COL8A1: variants seen among roughly 807,000 people sequenced by gnomAD.
COL8A1 encodes the protein collagen type VIII alpha 1 chain.
A neutral mutation model predicts 42.7 loss-of-function variants in COL8A1; 21 were observed. That is an observed-to-expected ratio of 0.49 (90% confidence interval 0.35 to 0.71). COL8A1 has a LOEUF of 0.71. COL8A1 is among the 30% of genes least tolerant of loss of function. The pLI is 0.01. For synonymous variants in COL8A1, 367 were observed against 369.1 expected (o/e 0.99, Z 0.06); for missense variants, 788 against 962.4 (o/e 0.82, Z 2.40).
At chr3:99,774,697 G>A (rs922562503) in intron 2 of COL8A1, among the ~76,000 whole-genome samples, 1 of 152,166 alleles carries the variant, frequency 6.6e-6, no homozygotes, top group Non-Finnish European at 1.5e-5. Flanking sequence ...CTGACAGAGG[G>A]AAGGAGTCTG....
intron 1 of COL8A1, among the ~76,000 whole-genome samples, chr3:99,649,973 T>G (rs1224547224): frequency 6.6e-6 from 1 of 152,208 alleles, no homozygotes; most frequent in Non-Finnish European, 1.5e-5. Context: ...GTTAGTACCC[T>G]GCTCAAAAGG....
chr3:99,741,073 C>T (rs1436709992), intron 1 of COL8A1, among the ~76,000 whole-genome samples: 2 of 151,994 alleles, frequency 1.3e-5, no homozygotes, highest in Non-Finnish European at 2.9e-5. Flanking sequence ...TAAGTCTGTG[C>T]CATTTATACT....
At chr3:99,640,552 C>T (rs1937487809) in intron 1 of COL8A1, among the ~76,000 whole-genome samples, 1 of 152,114 alleles carries the variant, frequency 6.6e-6, no homozygotes, top group African/African-American at 2.4e-5. Flanking sequence ...AAGTATTCTC[C>T]AAGGGTTTAC....
At chr3:99,731,972 T>G (rs984539201) in intron 1 of COL8A1, among the ~76,000 whole-genome samples, 12 of 152,088 alleles carry the variant, frequency 7.9e-5, no homozygotes, top group African/African-American at 2.7e-4. Flanking sequence ...CTCTACAAGC[T>G]GAGAGACAGC....
chr3:99,778,478 C>G (rs1218619906), intron 2 of COL8A1, among the ~76,000 whole-genome samples: 3 of 152,180 alleles, frequency 2.0e-5, no homozygotes, highest in Admixed American at 6.5e-5. Flanking sequence ...TCATTCAGCT[C>G]AAGCTAAGCC....
At chr3:99,727,922 C>T (rs1309881190) in intron 1 of COL8A1, among the ~76,000 whole-genome samples, 1 of 151,636 alleles carries the variant, frequency 6.6e-6, no homozygotes, top group Admixed American at 6.6e-5. Context: ...GCAGAAAAGG[C>T]CTTTGACAAA....
rs1940508357 is a variant in COL8A1, at chr3:99,731,488, G to A, written c.-128-13409G>A. 2.0e-5 allele frequency among the ~76,000 whole-genome samples: 3 copies of A among 152,084 alleles called. No homozygotes were observed. In the South Asian group the frequency reaches 6.2e-4, roughly 32 times the overall value. ...AGAAGCCAGAGTGGGAATAATGTGGGGCATAGCAGCCAGGAAATAAGTTTA... is the reference window on the plus strand; with the variant it reads ...AGAAGCCAGAGTGGGAATAATGTGGAGCATAGCAGCCAGGAAATAAGTTTA... On this transcript the variant is annotated intron_variant, in intron 1 of 3. Transcript: ENST00000652472.
chr3:99,667,920 G>T (rs549242029), intron 1 of COL8A1, among the ~76,000 whole-genome samples: 54 of 151,932 alleles, frequency 3.6e-4, no homozygotes, highest in Non-Finnish European at 7.2e-4. Context: ...AGCTCCAACT[G>T]ATAGATACAC....
chr3:99,641,098 C>T (rs1005991718), intron 1 of COL8A1, among the ~76,000 whole-genome samples: 4 of 152,012 alleles, frequency 2.6e-5, no homozygotes, highest in Non-Finnish European at 5.9e-5. Context: ...TTTTCATGAT[C>T]AGAAAACATA....
intron 2 of COL8A1, among the ~76,000 whole-genome samples, chr3:99,748,121 G>A (rs1396625729): frequency 2.0e-5 from 3 of 152,188 alleles, no homozygotes; most frequent in Admixed American, 2.0e-4. Context: ...ATAAAGAGGA[G>A]GAATTTGAGA....
In COL8A1 at chr3:99,674,065, C is replaced by T. The variant is rs1046845107; in HGVS notation, c.-129+35401C>T. On this transcript the variant is annotated intron_variant, in intron 1 of 3. Transcript: ENST00000652472. ...CATGAATTTTGGGAAATTTTCAAGG[C>T]ATGTGGAAAGAAACAATCCTATGCT... is the stretch of plus-strand genomic sequence containing the variant. 3.3e-5 allele frequency among the ~76,000 whole-genome samples: 5 copies of T among 152,002 alleles called. No individual in the cohort carries two copies. The East Asian group carries it at 7.7e-4, about 23-fold the overall frequency.
intron 1 of COL8A1, among the ~76,000 whole-genome samples, chr3:99,730,629 A>C (rs1002993606): frequency 6.6e-6 from 1 of 152,156 alleles, no homozygotes; most frequent in Non-Finnish European, 1.5e-5. Flanking sequence ...GTGTGAAAGG[A>C]AAGTCTTTTT....
At chr3:99,691,262 T>C (rs1281530841) in intron 1 of COL8A1, 1 of 152,162 alleles carries the variant, frequency 6.6e-6, no homozygotes, top group Non-Finnish European at 1.5e-5. Context: ...TCAAATGGCT[T>C]TTAGCAGCAG....
At chr3:99,741,439 C>T (rs1213081734) in intron 1 of COL8A1, among the ~76,000 whole-genome samples, 2 of 152,142 alleles carry the variant, frequency 1.3e-5, no homozygotes, top group African/African-American at 4.8e-5. Flanking sequence ...GCTATCTTTG[C>T]TGCATAATAA....
At chr3:99,775,695 T>C (rs567471319) in intron 2 of COL8A1, among the ~76,000 whole-genome samples, 9 of 152,266 alleles carry the variant, frequency 5.9e-5, no homozygotes, top group Admixed American at 4.6e-4. Flanking sequence ...TCTCTACCTA[T>C]TCCCAGCCAG....
chr3:99,762,397 G>C (rs2107426901), intron 2 of COL8A1, among the ~76,000 whole-genome samples: 1 of 152,294 alleles, frequency 6.6e-6, no homozygotes, highest in Non-Finnish European at 1.5e-5. Flanking sequence ...TTAACAAACT[G>C]CTAAAAAAAA....
chr3:99,761,146 T>G (rs2107425378), intron 2 of COL8A1, among the ~76,000 whole-genome samples: 1 of 152,266 alleles, frequency 6.6e-6, no homozygotes, highest in Admixed American at 6.5e-5. Context: ...TTGAATAAAC[T>G]TGAGGGGTAG....
At chr3:99,655,484 G>A (rs1481638048) in intron 1 of COL8A1, among the ~76,000 whole-genome samples, 3 of 152,206 alleles carry the variant, frequency 2.0e-5, no homozygotes, top group Non-Finnish European at 4.4e-5. Context: ...AATACTGTGA[G>A]GTCCTGAGGC....
chr3:99,705,388 C>T (rs1288969512), intron 1 of COL8A1, among the ~76,000 whole-genome samples: 6 of 152,148 alleles, frequency 3.9e-5, no homozygotes, highest in Non-Finnish European at 8.8e-5. Flanking sequence ...ATTGGGAACT[C>T]GTCCCAGTGG....
Sources: gnomAD v4.1 joint callset for allele counts (sites outside exome capture counted in the v4.1 genomes callset) on GRCh38, gnomAD v4.1.1 for gene constraint, MANE v1.5 for transcripts, NCBI Gene and HGNC (gene_info 2026-07-23, HGNC 2026-07-21) for gene names.